The following CNKSR3 variants were observed in gnomAD, a reference collection of about 807,000 sequenced individuals.
CNKSR3 encodes the protein connector enhancer of kinase suppressor of ras 3.
In CNKSR3, 36 loss-of-function variants were observed where a neutral mutation model predicts 67.7. That is an observed-to-expected ratio of 0.53 (90% confidence interval 0.41 to 0.70). CNKSR3 has a LOEUF of 0.70. Ranked by LOEUF, CNKSR3 falls within the 30% of genes least tolerant of loss-of-function variation. CNKSR3 has a pLI of 0.00. For synonymous variants in CNKSR3, 281 were observed against 271.4 expected (o/e 1.04, Z -0.35); for missense variants, 630 against 695.2 (o/e 0.91, Z 1.05).
intron 1 of CNKSR3, among the ~76,000 whole-genome samples, chr6:154,497,717 G>A (rs993108105): frequency 3.3e-5 from 5 of 152,138 alleles, no homozygotes; most frequent in Non-Finnish European, 7.4e-5. Context: ...TACTTACAAC[G>A]CAAACTGAAA....
At chr6:154,429,789 A>T (rs1043503173) in intron 6 of CNKSR3, among the ~76,000 whole-genome samples, 4 of 152,058 alleles carry the variant, frequency 2.6e-5, no homozygotes, top group African/African-American at 9.7e-5. Flanking sequence ...ATGCACACGT[A>T]CTATATGCTT....
chr6:154,502,638 C>G (rs1016016485), intron 1 of CNKSR3, among the ~76,000 whole-genome samples: 2 of 152,204 alleles, frequency 1.3e-5, no homozygotes, highest in Middle Eastern at 3.2e-3. Context: ...ATTCATTTCA[C>G]TTCCAAAAGC....
chr6:154,482,140 A>C (rs1786579213), intron 1 of CNKSR3, among the ~76,000 whole-genome samples: 1 of 152,200 alleles, frequency 6.6e-6, no homozygotes, highest in Non-Finnish European at 1.5e-5. Context: ...AAATTATGAA[A>C]CAAACTTCGG....
chr6:154,485,496 C>T (rs1386807151), intron 1 of CNKSR3, among the ~76,000 whole-genome samples: 2 of 152,236 alleles, frequency 1.3e-5, no homozygotes, highest in African/African-American at 4.8e-5. Flanking sequence ...AAGTCTCCTT[C>T]ATCTATAAAA....
chr6:154,477,636 C>T (rs906224328), intron 1 of CNKSR3, among the ~76,000 whole-genome samples: 6 of 152,074 alleles, frequency 3.9e-5, no homozygotes, highest in African/African-American at 1.4e-4. Context: ...TCTGTAATTT[C>T]TAGTAGTTTC....
chr6:154,409,330 T>A (rs982086281), intron 12 of CNKSR3, among the ~76,000 whole-genome samples: 8 of 152,224 alleles, frequency 5.3e-5, no homozygotes, highest in African/African-American at 1.7e-4. Flanking sequence ...CTGCCAATGA[T>A]GACAATCAAA....
rs1211973892 is a variant in CNKSR3, at chr6:154,405,947, T to G, written c.*407A>C. On this transcript the variant is annotated 3_prime_UTR_variant, in exon 13 of 13. Transcript: ENST00000607772. ...TCACTGGCTTTTTCAGATAAAGAAG[T>G]TGGACCACAAACCAACACATCTGTG... 1 of 164,220 alleles carries G rather than the reference T, an allele frequency of 6.1e-6. No individual in the cohort carries two copies. Among genetic ancestry groups the G allele is most frequent in the African/African-American group, 2.4e-5 (1 of 41,870 alleles). 10.2% of individuals were successfully genotyped at this position (164,220 alleles called of 1,614,324 possible).
intron 1 of CNKSR3, among the ~76,000 whole-genome samples, chr6:154,467,499 C>A (rs4538721): frequency 0.35 from 53,434 of 151,842 alleles, 9,995 homozygotes; most frequent in African/African-American, 0.47. Flanking sequence ...GAGATGCCAT[C>A]TTCTGCTTAC....
In CNKSR3 at chr6:154,428,148, T is replaced by C. The variant is rs1236406405; in HGVS notation, c.709A>G (p.Ile237Val). 1.2e-6 allele frequency: 2 copies of C among 1,609,574 alleles called. No homozygotes were observed. The highest frequency in any genetic ancestry group is 1.7e-5 in the Admixed American group (1 of 60,016). ...IKSTYDGLHV[I>V]TGTTENSPAD... is the part of the protein sequence containing the mutation. ...CTTACATTTTCTGTGGTTCCAGTAA[T>C]CACGTGTAACCCATCATAGGTTGAT... The change falls in exon 7 of 13, where the codon ATT becomes GTT. Residue 237 changes from isoleucine (I) to valine (V), a missense_variant. By Grantham distance (29) the Ile-to-Val change is conservative. Around this residue, in one of 3 missense-constraint regions of CNKSR3, gnomAD observed 133 missense variants for 190.6 expected, o/e 0.70. Transcript: ENST00000607772.
In CNKSR3 at chr6:154,406,080, CGT is replaced by C. The variant is rs763116327; in HGVS notation, c.*272_*273del. On this transcript the variant is annotated 3_prime_UTR_variant, in exon 13 of 13. Transcript: ENST00000607772. ...CTGGCCAGGACTGCGATTTCTAGCG[CGT>C]GTCTTCACATTCTATCTCTGGGGAA... 7 of 414,822 alleles carry C rather than the reference CGT, an allele frequency of 1.7e-5. No individual in the cohort carries two copies. Among genetic ancestry groups the C allele is most frequent in the Admixed American group, 1.2e-4 (3 of 24,978 alleles). The allele number at this position is 414,822 out of a possible 1,614,324, so 25.7% of individuals were successfully genotyped here.
chr6:154,484,855 C>T (rs1032987800), intron 1 of CNKSR3, among the ~76,000 whole-genome samples: 2 of 152,088 alleles, frequency 1.3e-5, no homozygotes, highest in Admixed American at 6.5e-5. Context: ...AGAGTTTAAC[C>T]AGCACGGGAA....
At chr6:154,510,018 A>C in intron 1 of CNKSR3, 45 bp downstream of exon 1, 1 of 1,608,562 alleles carries the variant, frequency 6.2e-7, no homozygotes, top group Non-Finnish European at 8.5e-7. Flanking sequence ...CGTCCGCCCC[A>C]TCCCCGAGGC....
chr6:154,441,260 AAAAAAG>A, intron 4 of CNKSR3, 26 bp downstream of exon 4: 2 of 1,259,118 alleles, frequency 1.6e-6, no homozygotes, highest in South Asian at 1.4e-5. Flanking sequence ...AAAAAAAAAA[AAAAAAG>A]AAAGTGAAAA....
intron 1 of CNKSR3, among the ~76,000 whole-genome samples, chr6:154,452,747 C>G (rs1349544568): frequency 6.6e-6 from 1 of 152,158 alleles, no homozygotes; most frequent in Non-Finnish European, 1.5e-5. Flanking sequence ...TGGGCTCAAT[C>G]CATATGACTC....
chr6:154,421,942 G>A (rs1210950783), intron 9 of CNKSR3, among the ~76,000 whole-genome samples: 1 of 151,148 alleles, frequency 6.6e-6, no homozygotes, highest in Admixed American at 6.6e-5. Context: ...CACCTGAAAT[G>A]TAGCCAGTGA....
chr6:154,448,667 A>G (rs1222718486), intron 2 of CNKSR3, among the ~76,000 whole-genome samples: 1 of 152,164 alleles, frequency 6.6e-6, no homozygotes, highest in Admixed American at 6.5e-5. Context: ...CTACTTGGCC[A>G]TAGCGTCTCC....
At chr6:154,496,333 G>A (rs1786878664) in intron 1 of CNKSR3, among the ~76,000 whole-genome samples, 1 of 142,240 alleles carries the variant, frequency 7.0e-6, no homozygotes, top group Admixed American at 6.8e-5. Flanking sequence ...GGACTTGAGG[G>A]GTCACAACCC....
intron 1 of CNKSR3, among the ~76,000 whole-genome samples, chr6:154,467,648 A>G (rs1786231911): frequency 6.6e-6 from 1 of 152,234 alleles, no homozygotes; most frequent in African/African-American, 2.4e-5. Context: ...CTATTGAAAA[A>G]TAAGTATTTA....
At chr6:154,458,865 T>C (rs1786015595) in intron 1 of CNKSR3, among the ~76,000 whole-genome samples, 1 of 152,138 alleles carries the variant, frequency 6.6e-6, no homozygotes, top group African/African-American at 2.4e-5. Context: ...ACGGGGACCA[T>C]GATGAAACAT....
Sources: allele counts gnomAD v4.1 joint callset (sites outside exome capture counted in the v4.1 genomes callset), GRCh38; gene constraint gnomAD v4.1.1; regional missense constraint gnomAD v4.1.1; transcripts MANE v1.5; gene names NCBI Gene and HGNC (gene_info 2026-07-23, HGNC 2026-07-21).